Variants in ADAMTS17 observed in about 807,000 individuals in gnomAD.
ADAMTS17 encodes the protein ADAM metallopeptidase with thrombospondin type 1 motif 17, also known as A disintegrin and metalloproteinase with thrombospondin motifs 17.
ADAMTS17 carries 113 observed loss-of-function variants against 141.5 expected under a neutral mutation model. The observed-to-expected ratio is 0.80, with a 90% CI of 0.69 to 0.93. The LOEUF (loss-of-function observed/expected upper bound fraction) is 0.93, where lower values mean the gene tolerates loss of function less well. Ranked by LOEUF, ADAMTS17 falls within the 40% of genes least tolerant of loss-of-function variation. The pLI, the probability that ADAMTS17 is intolerant of heterozygous loss-of-function variation, is 0.00. For synonymous variants in ADAMTS17, 768 were observed against 630.6 expected (o/e 1.22, Z -3.27); for missense variants, 1,659 against 1,517.9 (o/e 1.09, Z -1.54).
intron 14 of ADAMTS17, among the ~76,000 whole-genome samples, chr15:100,097,033 T>A (rs2035802790): frequency 6.6e-6 from 1 of 152,184 alleles, no homozygotes; most frequent in Non-Finnish European, 1.5e-5. Flanking sequence ...ACCTAGTCTA[T>A]GAAGAGCCCC....
At chr15:100,269,615 C>T (rs191103714) in intron 4 of ADAMTS17, among the ~76,000 whole-genome samples, 55 of 152,306 alleles carry the variant, frequency 3.6e-4, no homozygotes, top group African/African-American at 1.3e-3. Flanking sequence ...CCAGAGCAGT[C>T]CTGTTCCCTG....
At chr15:100,190,402 G>A (rs895357318) in intron 8 of ADAMTS17, among the ~76,000 whole-genome samples, 5 of 152,224 alleles carry the variant, frequency 3.3e-5, no homozygotes, top group African/African-American at 1.2e-4. Context: ...CAAACAGATG[G>A]AGATGAGAAG....
At chr15:100,327,960 C>T (rs2045944811) in intron 3 of ADAMTS17, among the ~76,000 whole-genome samples, 1 of 152,202 alleles carries the variant, frequency 6.6e-6, no homozygotes. Flanking sequence ...CTCAGCACAG[C>T]GGCTCACCTA....
chr15:99,983,925 T>A (rs1005182902), intron 20 of ADAMTS17, among the ~76,000 whole-genome samples: 1 of 151,994 alleles, frequency 6.6e-6, no homozygotes, highest in African/African-American at 2.4e-5. Context: ...TTTGAGCAGG[T>A]TTCTCCCCGA....
In ADAMTS17 at chr15:100,200,451, C is replaced by T. The variant is rs528066456; in HGVS notation, c.1076-1028G>A. Among the ~76,000 whole-genome samples the T allele has an allele frequency of 2.9e-4, 44 of 152,060 alleles. 1 individual carries two copies. Among genetic ancestry groups the T allele is most frequent in the African/African-American group, 1.1e-3 (44 of 41,390 alleles). ...GCTGACTCTCCAGGGCTCCCCACCA[C>T]AGTACTCCCCGCACCCAGGAAAGAC... On this transcript the variant is annotated intron_variant, in intron 7 of 21. Coordinates refer to ENST00000268070, the MANE Select transcript of ADAMTS17 (RefSeq NM_139057.4).
chr15:99,976,333 G>A (rs578177041), intron 20 of ADAMTS17, 111 bp from the exon 21 acceptor site: 52 of 1,350,160 alleles, frequency 3.9e-5, no homozygotes, highest in South Asian at 3.1e-4. Flanking sequence ...GGGCCTACAC[G>A]AGGTCAGGGG....
intron 15 of ADAMTS17, among the ~76,000 whole-genome samples, chr15:100,060,902 G>A (rs567027363): frequency 1.3e-5 from 2 of 152,204 alleles, no homozygotes; most frequent in East Asian, 1.9e-4. Context: ...ACCCAGCCCC[G>A]AGTGGAGACA....
At chr15:100,217,000 G>C (rs756694257) in intron 7 of ADAMTS17, among the ~76,000 whole-genome samples, 1 of 152,118 alleles carries the variant, frequency 6.6e-6, no homozygotes, top group Non-Finnish European at 1.5e-5. Flanking sequence ...AATAAAATTA[G>C]TTTCCTGAAG....
At chr15:100,130,363 CAAA>C (rs753208963) in intron 12 of ADAMTS17, among the ~76,000 whole-genome samples, 5 of 105,986 alleles carry the variant, frequency 4.7e-5, no homozygotes, top group Non-Finnish European at 8.2e-5. Flanking sequence ...GGCTCCATCT[CAAA>C]AAAAAAAAAA....
At chr15:100,076,794 A>G (rs2034408837) in intron 15 of ADAMTS17, among the ~76,000 whole-genome samples, 1 of 148,784 alleles carries the variant, frequency 6.7e-6, no homozygotes, top group South Asian at 2.1e-4. Flanking sequence ...AAACAAAAAC[A>G]TAGCATAGTA....
At chr15:100,113,627 A>C (rs1257334722) in intron 13 of ADAMTS17, among the ~76,000 whole-genome samples, 2 of 152,240 alleles carry the variant, frequency 1.3e-5, no homozygotes, top group African/African-American at 4.8e-5. Context: ...AGTTCTGAGA[A>C]AGCCAGTCTG....
chr15:100,197,986 G>A (rs1476353505), intron 8 of ADAMTS17, among the ~76,000 whole-genome samples: 3 of 152,132 alleles, frequency 2.0e-5, no homozygotes, highest in Admixed American at 2.0e-4. Context: ...AGAACACATG[G>A]ACACAGGGAG....
chr15:100,117,805 T>A (rs189110365), intron 12 of ADAMTS17, among the ~76,000 whole-genome samples: 75 of 152,330 alleles, frequency 4.9e-4, no homozygotes, highest in African/African-American at 1.8e-3. Flanking sequence ...GTCATCATGA[T>A]GGAATAAGAT....
intron 4 of ADAMTS17, among the ~76,000 whole-genome samples, chr15:100,265,033 G>T (rs1368576159): frequency 6.6e-6 from 1 of 152,294 alleles, no homozygotes; most frequent in South Asian, 2.1e-4. Context: ...TCTAAATAAT[G>T]TTCTCTAGCA....
chr15:100,005,949 TCCAGCC>T (rs148039873), intron 18 of ADAMTS17, among the ~76,000 whole-genome samples: 1,844 of 151,916 alleles, frequency 0.012, 49 homozygotes, highest in African/African-American at 0.04. Context: ...GAAGCATCAC[TCCAGCC>T]CCAGCCCCAG....
chr15:100,073,519 T>C (rs993600923), intron 15 of ADAMTS17, among the ~76,000 whole-genome samples: 1 of 151,666 alleles, frequency 6.6e-6, no homozygotes, highest in Non-Finnish European at 1.5e-5. Flanking sequence ...AACCCAAATG[T>C]CCAATAATGA....
At chr15:100,203,082 T>TGA (rs2041398113) in intron 7 of ADAMTS17, among the ~76,000 whole-genome samples, 1 of 151,934 alleles carries the variant, frequency 6.6e-6, no homozygotes, top group Non-Finnish European at 1.5e-5. Context: ...CTAATGGGCT[T>TGA]GACTGCTCTG....
intron 7 of ADAMTS17, among the ~76,000 whole-genome samples, chr15:100,226,381 C>T (rs769230327): frequency 6.6e-6 from 1 of 152,232 alleles, no homozygotes. Flanking sequence ...GGAGGCTTGG[C>T]CCTTCAGGCC....
chr15:100,050,732 A>G (rs982315336), intron 17 of ADAMTS17, among the ~76,000 whole-genome samples: 2 of 152,044 alleles, frequency 1.3e-5, no homozygotes, highest in Non-Finnish European at 1.5e-5. Context: ...CCATTATCCA[A>G]CTCTCTGGGT....
Sources: gnomAD v4.1 joint callset for allele counts (sites outside exome capture counted in the v4.1 genomes callset) on GRCh38, gnomAD v4.1.1 for gene constraint, MANE v1.5 for transcripts, NCBI Gene and HGNC (gene_info 2026-07-23, HGNC 2026-07-21) for gene names.